The following FAR2 variants were observed in gnomAD, a reference collection of about 807,000 sequenced individuals.
FAR2 encodes the protein fatty acyl-CoA reductase 2.
FAR2 carries 19 observed loss-of-function variants against 56.0 expected under a neutral mutation model. The ratio of observed to expected loss-of-function variants is 0.34; its 90% CI spans 0.24 to 0.50. The LOEUF is 0.50. Among genes scored for constraint, FAR2 ranks in the 20% least tolerant of loss-of-function variants. The pLI, the probability that FAR2 is intolerant of heterozygous loss-of-function variation, is 0.98. For missense variants in FAR2, 508 were observed against 642.2 expected (o/e 0.79, Z 2.26); for synonymous variants, 219 against 218.8 (o/e 1.00, Z -0.01).
At chr12:29,180,577 C>G (rs1377734482) in intron 1 of FAR2, among the ~76,000 whole-genome samples, 2 of 152,148 alleles carry the variant, frequency 1.3e-5, no homozygotes, top group Non-Finnish European at 2.9e-5. Context: ...CACATATTTA[C>G]ATTTTAACCA....
At chr12:29,293,622 C>T in intron 3 of FAR2, 147 bp downstream of exon 3, 1 of 598,208 alleles carries the variant, frequency 1.7e-6, no homozygotes, top group Non-Finnish European at 2.6e-6. Flanking sequence ...CATCTAGAAA[C>T]AACCATTTAC....
At chr12:29,228,807 C>G (rs1432286841) in intron 1 of FAR2, among the ~76,000 whole-genome samples, 1 of 152,184 alleles carries the variant, frequency 6.6e-6, no homozygotes, top group Admixed American at 6.5e-5. Flanking sequence ...AGGCTGGTCT[C>G]AAACTCCTGA....
chr12:29,319,286 C>T (rs953677532), intron 9 of FAR2, among the ~76,000 whole-genome samples: 8 of 152,104 alleles, frequency 5.3e-5, no homozygotes, highest in Non-Finnish European at 8.8e-5. Flanking sequence ...CCACCGCGCC[C>T]GGCCAAGGGG....
intron 2 of FAR2, among the ~76,000 whole-genome samples, chr12:29,276,224 T>C (rs925381891): frequency 6.6e-6 from 1 of 152,234 alleles, no homozygotes; most frequent in African/African-American, 2.4e-5. Context: ...ATTTAAGGTA[T>C]GGCTTTTACC....
intron 1 of FAR2, among the ~76,000 whole-genome samples, chr12:29,240,730 A>G (rs1274778459): frequency 6.6e-6 from 1 of 152,182 alleles, no homozygotes; most frequent in African/African-American, 2.4e-5. Context: ...GGCACAAGGT[A>G]TACATCTTAA....
chr12:29,314,911 G>A (rs1408145405), intron 8 of FAR2, among the ~76,000 whole-genome samples: 1 of 152,140 alleles, frequency 6.6e-6, no homozygotes, highest in Non-Finnish European at 1.5e-5. Flanking sequence ...GTAATTGTAT[G>A]TTGCTGAGCT....
Position 29,247,979 on chromosome 12 carries a change from C to CT in FAR2, c.-38-22430dup, listed in dbSNP as rs541045953. Among the ~76,000 whole-genome samples, 514 of 152,314 alleles carry CT rather than the reference C, an allele frequency of 3.4e-3. 1 individual carries two copies. The highest frequency in any genetic ancestry group is 5.5e-3 in the Non-Finnish European group (375 of 68,026). ...CCCAAAGGGAAAATACTTTTTAAAA[C>CT]TTTGAGTTATTCATTTGAAAGGATA... On this transcript the variant is annotated intron_variant, in intron 1 of 11. Coordinates refer to ENST00000536681, the MANE Select transcript of FAR2 (RefSeq NM_001271783.2).
At chr12:29,176,307 G>A (rs1018662580) in intron 1 of FAR2, among the ~76,000 whole-genome samples, 4 of 152,166 alleles carry the variant, frequency 2.6e-5, no homozygotes, top group Non-Finnish European at 5.9e-5. Context: ...ACTGCCTGTG[G>A]TGTGCTTTGC....
At chr12:29,222,627 A>G (rs944082012) in intron 1 of FAR2, among the ~76,000 whole-genome samples, 2 of 152,092 alleles carry the variant, frequency 1.3e-5, no homozygotes, top group South Asian at 4.1e-4. Flanking sequence ...CACTCTAGAT[A>G]TCAAGAGTGA....
intron 1 of FAR2, among the ~76,000 whole-genome samples, chr12:29,220,446 T>C (rs1947672702): frequency 6.6e-6 from 1 of 152,226 alleles, no homozygotes; most frequent in South Asian, 2.1e-4. Flanking sequence ...AATGACTTGC[T>C]ACGTTTCTCT....
At chr12:29,256,456 A>G (rs979984353) in intron 1 of FAR2, among the ~76,000 whole-genome samples, 1 of 152,142 alleles carries the variant, frequency 6.6e-6, no homozygotes, top group African/African-American at 2.4e-5. Context: ...CCAAAGTGCT[A>G]GGATTTAGAG....
intron 2 of FAR2, chr12:29,280,269 G>T (rs1166923136): frequency 6.6e-6 from 1 of 152,042 alleles, no homozygotes; most frequent in Non-Finnish European, 1.5e-5. Context: ...TTTTACCCAG[G>T]TATGTTATTT....
intron 4 of FAR2, among the ~76,000 whole-genome samples, chr12:29,304,896 G>A (rs912391588): frequency 6.6e-6 from 1 of 152,076 alleles, no homozygotes; most frequent in Non-Finnish European, 1.5e-5. Flanking sequence ...GTTTATATGT[G>A]TTTTTTATCT....
intron 1 of FAR2, among the ~76,000 whole-genome samples, chr12:29,165,469 A>C (rs1949817087): frequency 1.3e-5 from 2 of 152,236 alleles, no homozygotes; most frequent in Admixed American, 1.3e-4. Flanking sequence ...GCAAGCAATT[A>C]ACATAAAAAT....
chr12:29,296,229 C>G, intron 3 of FAR2, among the ~76,000 whole-genome samples: 1 of 151,898 alleles, frequency 6.6e-6, no homozygotes, highest in Non-Finnish European at 1.5e-5. Flanking sequence ...TTTTATTTTT[C>G]TAATTAATTC....
chr12:29,322,165 C>T (rs1016498932), intron 10 of FAR2, among the ~76,000 whole-genome samples: 6 of 152,212 alleles, frequency 3.9e-5, no homozygotes, highest in African/African-American at 1.4e-4. Context: ...GATCTGCCAA[C>T]ATGTTTTATC....
At chr12:29,297,709 G>A (rs1238693959) in intron 4 of FAR2, among the ~76,000 whole-genome samples, 1 of 152,148 alleles carries the variant, frequency 6.6e-6, no homozygotes, top group Non-Finnish European at 1.5e-5. Context: ...ACTTATTGCA[G>A]TGCTAGGGAG....
At chr12:29,219,620 GTAGAC>G (rs1389962068) in intron 1 of FAR2, among the ~76,000 whole-genome samples, 5 of 151,494 alleles carry the variant, frequency 3.3e-5, no homozygotes, top group Admixed American at 1.3e-4. Flanking sequence ...TTAACTCTGA[GTAGAC>G]AAGAAAAAAA....
At chr12:29,190,729 C>T (rs1205430900) in intron 1 of FAR2, among the ~76,000 whole-genome samples, 1 of 151,990 alleles carries the variant, frequency 6.6e-6, no homozygotes, top group African/African-American at 2.4e-5. Flanking sequence ...TCCCAAAGTG[C>T]TGGGATTACA....
Sources: allele counts gnomAD v4.1 joint callset (sites outside exome capture counted in the v4.1 genomes callset), GRCh38; gene constraint gnomAD v4.1.1; transcripts MANE v1.5; gene names NCBI Gene and HGNC (gene_info 2026-07-23, HGNC 2026-07-21).